The following PTPRK variants were observed in gnomAD, a reference collection of about 807,000 sequenced individuals.
PTPRK encodes the protein receptor-type tyrosine-protein phosphatase kappa.
A neutral mutation model predicts 178.0 loss-of-function variants in PTPRK; 75 were observed. The observed-to-expected ratio is 0.42, with a 90% CI of 0.35 to 0.51. PTPRK has a LOEUF of 0.51. Among genes scored for constraint, PTPRK ranks in the 20% least tolerant of loss-of-function variants. The pLI is 0.02. For missense variants in PTPRK, 1,441 were observed against 1,797.8 expected, an observed-to-expected ratio of 0.80 and a Z score of 3.59; for synonymous variants, 637 against 620.6, an observed-to-expected ratio of 1.03 and a Z score of -0.39.
intron 1 of PTPRK, among the ~76,000 whole-genome samples, chr6:128,518,481 G>A (rs1479884247): frequency 6.6e-6 from 1 of 152,172 alleles, no homozygotes; most frequent in Non-Finnish European, 1.5e-5. Context: ...ATTAATAGTT[G>A]CAACTCTTGA....
At chr6:128,294,398 C>A (rs1041366162) in intron 3 of PTPRK, among the ~76,000 whole-genome samples, 11 of 152,088 alleles carry the variant, frequency 7.2e-5, no homozygotes, top group African/African-American at 2.4e-4. Context: ...CTCCAGTGTA[C>A]CCTGAAGTAG....
chr6:128,393,358 G>A (rs962811795), intron 2 of PTPRK, among the ~76,000 whole-genome samples: 1 of 152,040 alleles, frequency 6.6e-6, no homozygotes, highest in Admixed American at 6.6e-5. Flanking sequence ...CAAAGTGCTG[G>A]GATTACAGGC....
chr6:128,172,906 G>C (rs1800510973), intron 7 of PTPRK, among the ~76,000 whole-genome samples: 1 of 151,814 alleles, frequency 6.6e-6, no homozygotes, highest in Admixed American at 6.6e-5. Context: ...TAATCATGGG[G>C]CCATATGCTC....
Position 127,998,745 on chromosome 6 carries a change from C to G in PTPRK, c.2654G>C (p.Ser885Thr). ...QHINLMKTSD[S>T]YGFKEEYESF... ...CTCATATTCCTCTTTGAACCCATAG[C>G]TGTCTGATGTCTTCATGAGATTAAT... The change falls in exon 16 of 30, where the codon AGC becomes ACC. Residue 885 changes from serine (S) to threonine (T), a missense_variant. Around this residue, in one of 4 missense-constraint regions of PTPRK, gnomAD observed 945 missense variants for 1,080.6 expected, o/e 0.87. Transcript: ENST00000368226. 2 of 1,596,518 alleles carry G rather than the reference C, an allele frequency of 1.3e-6. No individual in the cohort carries two copies. The highest frequency in any genetic ancestry group is 1.7e-6 in the Non-Finnish European group (2 of 1,169,166).
rs548664809 is a variant in PTPRK, at chr6:128,187,084, G to T, written c.869-2359C>A. Among the ~76,000 whole-genome samples, 110 of 152,088 alleles carry T rather than the reference G, an allele frequency of 7.2e-4. 1 individual carries two copies. The highest frequency in any genetic ancestry group is 2.5e-3 in the African/African-American group (104 of 41,524). Reference sequence around the variant, plus strand: ...AGTGAATTATATATAACAAACCTTGGTTAATCATAAATTTATAGATATTCT... The same window carrying T: ...AGTGAATTATATATAACAAACCTTGTTTAATCATAAATTTATAGATATTCT... On this transcript the variant is annotated intron_variant, in intron 6 of 29. Transcript: ENST00000368226.
chr6:128,361,978 A>G (rs1468562419), intron 2 of PTPRK, among the ~76,000 whole-genome samples: 1 of 152,188 alleles, frequency 6.6e-6, no homozygotes, highest in Admixed American at 6.6e-5. Context: ...ATTTGCACTA[A>G]TATAAATTTA....
At chr6:128,311,228 G>A (rs780351817) in intron 3 of PTPRK, among the ~76,000 whole-genome samples, 5 of 152,188 alleles carry the variant, frequency 3.3e-5, no homozygotes, top group Middle Eastern at 3.4e-3. Context: ...TGCGAACAAC[G>A]CAACTTCATA....
At chr6:128,110,163 G>A (rs1790409684) in intron 7 of PTPRK, among the ~76,000 whole-genome samples, 1 of 152,026 alleles carries the variant, frequency 6.6e-6, no homozygotes, top group Admixed American at 6.6e-5. Flanking sequence ...GCCTCGAGCA[G>A]TCCTCCCATC....
intron 8 of PTPRK, among the ~76,000 whole-genome samples, chr6:128,089,449 T>G (rs1333328871): frequency 6.6e-6 from 1 of 152,216 alleles, no homozygotes; most frequent in Non-Finnish European, 1.5e-5. Flanking sequence ...TTTAGTGTAG[T>G]TGCCACTTCT....
Position 128,240,259 on chromosome 6 carries a change from A to G in PTPRK, c.578-109T>C, listed in dbSNP as rs1008916272. The G allele has an allele frequency of 3.0e-5, 24 of 795,150 alleles. No homozygotes were observed. The African/African-American group carries it at 3.7e-4, about 12-fold the overall frequency. 49.3% of individuals were successfully genotyped at this position (795,150 alleles called of 1,614,324 possible). A position where few individuals can be genotyped will look rare whatever the true frequency, so the allele number is the denominator to read the frequency against. On this transcript the variant is annotated intron_variant, in intron 4 of 29. Transcript: ENST00000368226. ...ATTAGTGTTTTTACCTTTGGCCAAG[A>G]CTAACATCAGAAAGAAGAAAACTGA...
At chr6:128,283,901 T>G (rs566814238) in intron 3 of PTPRK, among the ~76,000 whole-genome samples, 45 of 152,298 alleles carry the variant, frequency 3.0e-4, no homozygotes, top group African/African-American at 1.0e-3. Context: ...ACTACCACAA[T>G]GACCCACTAA....
At chr6:128,130,880 G>T (rs79039569) in intron 7 of PTPRK, among the ~76,000 whole-genome samples, 1 of 152,230 alleles carries the variant, frequency 6.6e-6, no homozygotes, top group Non-Finnish European at 1.5e-5. Flanking sequence ...AAGAAATTTG[G>T]TCTGAATGTT....
chr6:128,210,823 C>T (rs531947219), intron 6 of PTPRK, among the ~76,000 whole-genome samples: 9 of 152,124 alleles, frequency 5.9e-5, no homozygotes, highest in African/African-American at 1.9e-4. Flanking sequence ...ATCAGCAATA[C>T]GTAAATAACC....
intron 18 of PTPRK, among the ~76,000 whole-genome samples, chr6:127,993,362 A>AT (rs957154174): frequency 9.1e-4 from 136 of 149,954 alleles, no homozygotes; most frequent in African/African-American, 2.8e-3. Flanking sequence ...AAAATTTAGT[A>AT]TTTTTTTTTT....
intron 2 of PTPRK, among the ~76,000 whole-genome samples, chr6:128,324,337 CT>C (rs1829256815): frequency 6.6e-6 from 1 of 151,974 alleles, no homozygotes; most frequent in Non-Finnish European, 1.5e-5. Context: ...ATAAAATAAA[CT>C]TTGGAGTAAA....
At chr6:127,994,631 T>C (rs768802816) in intron 18 of PTPRK, among the ~76,000 whole-genome samples, 1 of 151,834 alleles carries the variant, frequency 6.6e-6, no homozygotes, top group Non-Finnish European at 1.5e-5. Flanking sequence ...TTTAAGAATA[T>C]TCTATATTTT....
At chr6:128,337,530 T>C (rs1333577426) in intron 2 of PTPRK, among the ~76,000 whole-genome samples, 5 of 152,180 alleles carry the variant, frequency 3.3e-5, no homozygotes, top group Admixed American at 6.5e-5. Flanking sequence ...TCCTATATTA[T>C]GCCACCTATC....
At chr6:128,054,535 T>A (rs1779582272) in intron 13 of PTPRK, among the ~76,000 whole-genome samples, 1 of 152,216 alleles carries the variant, frequency 6.6e-6, no homozygotes, top group African/African-American at 2.4e-5. Flanking sequence ...TCAGATGACT[T>A]GTTCAAATCC....
chr6:128,181,161 A>C (rs896670827), intron 7 of PTPRK, among the ~76,000 whole-genome samples: 1 of 152,112 alleles, frequency 6.6e-6, no homozygotes, highest in Admixed American at 6.6e-5. Flanking sequence ...AAAATGTAAA[A>C]TTTATTTTTT....
Sources: allele counts gnomAD v4.1 joint callset (sites outside exome capture counted in the v4.1 genomes callset), GRCh38; gene constraint gnomAD v4.1.1; regional missense constraint gnomAD v4.1.1; transcripts MANE v1.5; gene names NCBI Gene and HGNC (gene_info 2026-07-23, HGNC 2026-07-21).